The following VDAC1 variants were observed in gnomAD, a reference collection of about 807,000 sequenced individuals.
VDAC1 encodes non-selective voltage-gated ion channel VDAC1.
A neutral mutation model predicts 34.7 loss-of-function variants in VDAC1; 10 were observed. That is an observed-to-expected ratio of 0.29 (90% CI 0.18 to 0.49). The LOEUF is 0.49. Ranked by LOEUF, VDAC1 falls within the 20% of genes least tolerant of loss-of-function variation. The probability of loss-of-function intolerance (pLI) is 0.99; values close to 1 mark genes in which losing one functional copy is unlikely to be tolerated. For missense variants in VDAC1, 230 were observed against 347.9 expected, an observed-to-expected ratio of 0.66 and a Z score of 2.69; for synonymous variants, 130 against 136.0, an observed-to-expected ratio of 0.96 and a Z score of 0.30.
chr5:134,087,820 C>T, the VDAC1 span, among the ~76,000 whole-genome samples: 3 of 149,268 alleles, frequency 2.0e-5, no homozygotes, highest in Admixed American at 2.0e-4. Context: ...CGCGCCACTG[C>T]ACTCCAGTCT....
At chr5:134,055,708 G>A in the VDAC1 span, among the ~76,000 whole-genome samples, 6 of 148,122 alleles carry the variant, frequency 4.1e-5, no homozygotes, top group South Asian at 2.2e-4. Flanking sequence ...GATTACAGGC[G>A]TGAGCCACCG....
chr5:134,074,426 T>C, the VDAC1 span, among the ~76,000 whole-genome samples: 1 of 152,120 alleles, frequency 6.6e-6, no homozygotes, highest in Non-Finnish European at 1.5e-5. Context: ...CATGGGGGTG[T>C]TCTGTGACCT....
At chr5:134,090,641 C>T in the VDAC1 span, among the ~76,000 whole-genome samples, 3 of 152,206 alleles carry the variant, frequency 2.0e-5, no homozygotes, top group Non-Finnish European at 2.9e-5. Context: ...CACCAACCTC[C>T]GCTCAAGGTC....
chr5:134,057,390 G>A, the VDAC1 span, among the ~76,000 whole-genome samples: 1 of 151,778 alleles, frequency 6.6e-6, no homozygotes, highest in African/African-American at 2.4e-5. Context: ...TGAGCCCGGA[G>A]AATTGCTAGA....
chr5:134,031,900 G>T, the VDAC1 span, among the ~76,000 whole-genome samples: 1 of 146,038 alleles, frequency 6.8e-6, no homozygotes, highest in Non-Finnish European at 1.5e-5. Context: ...GCATTGAGCC[G>T]AGATTACACC....
the VDAC1 span, among the ~76,000 whole-genome samples, chr5:134,041,825 G>A: frequency 2.4e-4 from 36 of 152,208 alleles, no homozygotes; most frequent in African/African-American, 6.0e-4. Context: ...GGGTGGGCTG[G>A]CCAGTCAGTC....
intron 1 of VDAC1, among the ~76,000 whole-genome samples, chr5:134,003,651 G>A (rs1490667730): frequency 6.6e-6 from 1 of 152,210 alleles, no homozygotes; most frequent in Non-Finnish European, 1.5e-5. Context: ...GGGATGGGCT[G>A]GATTCACCCA....
intron 1 of VDAC1, among the ~76,000 whole-genome samples, chr5:134,000,972 G>A (rs140140259): frequency 8.7e-4 from 133 of 152,238 alleles, no homozygotes; most frequent in African/African-American, 3.1e-3. Context: ...CAGGGAAAAC[G>A]GACCCTTATA....
At chr5:134,109,294 G>A in the VDAC1 span, among the ~76,000 whole-genome samples, 1 of 152,184 alleles carries the variant, frequency 6.6e-6, no homozygotes, top group East Asian at 1.9e-4. Flanking sequence ...CTCTCAGTGT[G>A]TCTGAGGCTG....
At chr5:133,984,871 G>A (rs1056166346) in intron 5 of VDAC1, among the ~76,000 whole-genome samples, 2 of 152,188 alleles carry the variant, frequency 1.3e-5, no homozygotes, top group African/African-American at 4.8e-5. Context: ...GGGAGGCAGA[G>A]GTTGCAATGA....
Position 133,991,057 on chromosome 5 carries a change from G to A in VDAC1, c.215C>T (p.Thr72Ile), listed in dbSNP as rs1296623715. The A allele has an allele frequency of 9.9e-6, 16 of 1,614,010 alleles. No individual in the cohort carries two copies. The highest frequency in any genetic ancestry group is 1.4e-5 in the Non-Finnish European group (16 of 1,180,050). ...YRWTEYGLTF[T>I]EKWNTDNTLG... The stretch of plus-strand genomic sequence containing the variant: ...TGTATTGTCGGTATTCCATTTCTCT[G>A]TAAACGTCAGGCCGTACTCAGTCCA... The change falls in exon 4 of 9, where the codon ACA becomes ATA. Residue 72 changes from threonine to isoleucine, a missense_variant. Physicochemically the swap from Thr to Ile is moderately conservative, Grantham distance 89. Transcript: ENST00000265333.
chr5:134,102,806 T>C, the VDAC1 span, among the ~76,000 whole-genome samples: 1 of 152,228 alleles, frequency 6.6e-6, no homozygotes, highest in Non-Finnish European at 1.5e-5. Context: ...TTCCTGAGTT[T>C]GGGCTATAGG....
chr5:134,013,429 T>C, the VDAC1 span, among the ~76,000 whole-genome samples: 6 of 151,964 alleles, frequency 3.9e-5, no homozygotes, highest in African/African-American at 1.4e-4. Flanking sequence ...AGTAAGACTG[T>C]GTCTCAAAAA....
the VDAC1 span, among the ~76,000 whole-genome samples, chr5:134,107,396 C>T: frequency 1.3e-5 from 2 of 152,216 alleles, no homozygotes; most frequent in Non-Finnish European, 2.9e-5. Flanking sequence ...TTCCTCAAGC[C>T]GAGATGAAAT....
chr5:134,029,303 C>T, the VDAC1 span, among the ~76,000 whole-genome samples: 1 of 152,232 alleles, frequency 6.6e-6, no homozygotes, highest in Non-Finnish European at 1.5e-5. Context: ...CCAAGAACTC[C>T]TGACCTACAG....
the VDAC1 span, among the ~76,000 whole-genome samples, chr5:134,103,243 T>C: frequency 1.3e-5 from 2 of 152,178 alleles, no homozygotes; most frequent in Non-Finnish European, 2.9e-5. Flanking sequence ...CACCTCAGCC[T>C]CCCGAGTAGC....
At chr5:133,974,912 G>A (rs909193727) in intron 7 of VDAC1, among the ~76,000 whole-genome samples, 1 of 150,426 alleles carries the variant, frequency 6.6e-6, no homozygotes, top group Non-Finnish European at 1.5e-5. Context: ...CTGAGATCGT[G>A]CCATTGCACT....
chr5:134,001,016 T>C (rs1159551294), intron 1 of VDAC1, among the ~76,000 whole-genome samples: 1 of 152,108 alleles, frequency 6.6e-6, no homozygotes, highest in African/African-American at 2.4e-5. Context: ...TTGCAAGAAA[T>C]AGAGGTGACT....
At chr5:133,977,916 A>G (rs1417337500) in intron 6 of VDAC1, among the ~76,000 whole-genome samples, 1 of 152,200 alleles carries the variant, frequency 6.6e-6, no homozygotes, top group Non-Finnish European at 1.5e-5. Flanking sequence ...AATTTTTTAA[A>G]AAGGAATGAC....
Sources: gnomAD v4.1 joint callset for allele counts (sites outside exome capture counted in the v4.1 genomes callset) on GRCh38, gnomAD v4.1.1 for gene constraint, MANE v1.5 for transcripts, NCBI Gene and HGNC (gene_info 2026-07-23, HGNC 2026-07-21) for gene names.